PCDH15: variants seen among roughly 807,000 people sequenced by gnomAD.
The protein encoded by PCDH15 is protocadherin related 15.
PCDH15 carries 129 observed loss-of-function variants against 178.5 expected under a neutral mutation model. The ratio of observed to expected loss-of-function variants is 0.72; its 90% CI spans 0.63 to 0.84. PCDH15 has a LOEUF of 0.84. PCDH15 is among the 40% of genes least tolerant of loss of function. PCDH15 has a pLI of 0.00. For missense variants in PCDH15, 2,230 were observed against 2,099.9 expected, an observed-to-expected ratio of 1.06 and a Z score of -1.21; for synonymous variants, 800 against 732.0, an observed-to-expected ratio of 1.09 and a Z score of -1.50.
At chr10:53,879,281 G>A (rs186041409) in intron 26 of PCDH15, among the ~76,000 whole-genome samples, 413 of 152,120 alleles carry the variant, frequency 2.7e-3, no homozygotes, top group African/African-American at 9.7e-3. Flanking sequence ...CTGCCACTGA[G>A]GAAAGTATAG....
intron 2 of PCDH15, among the ~76,000 whole-genome samples, chr10:54,940,541 A>C (rs1052956521): frequency 6.6e-6 from 1 of 152,140 alleles, no homozygotes; most frequent in African/African-American, 2.4e-5. Flanking sequence ...TTAGATCTAG[A>C]TCTAGATCTG....
chr10:54,389,580 C>T (rs891103552), intron 3 of PCDH15, among the ~76,000 whole-genome samples: 17 of 152,190 alleles, frequency 1.1e-4, no homozygotes, highest in African/African-American at 1.7e-4. Context: ...TCCGTATTTG[C>T]GGCTCCATCC....
intron 2 of PCDH15, among the ~76,000 whole-genome samples, chr10:54,968,036 C>T (rs555792182): frequency 2.0e-5 from 3 of 152,228 alleles, no homozygotes; most frequent in South Asian, 4.1e-4. Context: ...TTTTAACATA[C>T]GCATTTTGGG....
intron 3 of PCDH15, among the ~76,000 whole-genome samples, chr10:54,427,781 A>T (rs1956474449): frequency 6.6e-6 from 1 of 152,128 alleles, no homozygotes; most frequent in Non-Finnish European, 1.5e-5. Context: ...ATTTATATCA[A>T]TTTTTTTGAC....
At chr10:55,095,576 G>A (rs1362605498) in intron 2 of PCDH15, among the ~76,000 whole-genome samples, 3 of 151,932 alleles carry the variant, frequency 2.0e-5, no homozygotes, top group African/African-American at 7.3e-5. Flanking sequence ...TTTAGATATT[G>A]TAGAGGTTTT....
chr10:53,885,777 C>T (rs1385403238), intron 26 of PCDH15, among the ~76,000 whole-genome samples: 2 of 152,012 alleles, frequency 1.3e-5, no homozygotes, highest in East Asian at 3.9e-4. Context: ...ATTGAGTATT[C>T]CTCAGTGGAA....
At chr10:55,254,717 G>C (rs1190819427) in intron 1 of PCDH15, among the ~76,000 whole-genome samples, 1 of 152,142 alleles carries the variant, frequency 6.6e-6, no homozygotes, top group Non-Finnish European at 1.5e-5. Context: ...AAAGCAACAG[G>C]TGCTATGACA....
intron 2 of PCDH15, among the ~76,000 whole-genome samples, chr10:55,367,733 C>T (rs1156540225): frequency 6.6e-6 from 1 of 152,064 alleles, no homozygotes; most frequent in African/African-American, 2.4e-5. Flanking sequence ...TAGGTGTTTG[C>T]CTTATTTGGG....
chr10:53,978,189 C>T (rs1015135407), intron 21 of PCDH15, among the ~76,000 whole-genome samples: 6 of 152,176 alleles, frequency 3.9e-5, no homozygotes, highest in Middle Eastern at 3.2e-3. Context: ...CTCTTCTGTA[C>T]TTCCCTAGCA....
chr10:53,984,485 G>A (rs2090960033), intron 21 of PCDH15, among the ~76,000 whole-genome samples: 1 of 152,006 alleles, frequency 6.6e-6, no homozygotes, highest in African/African-American at 2.4e-5. Flanking sequence ...ATCCTTTCAA[G>A]TTTGAAATAC....
chr10:54,610,416 T>C (rs1014117749), intron 2 of PCDH15, among the ~76,000 whole-genome samples: 2 of 151,930 alleles, frequency 1.3e-5, no homozygotes, highest in Non-Finnish European at 2.9e-5. Flanking sequence ...GTTTTAACCA[T>C]TTTATAACAT....
intron 3 of PCDH15, among the ~76,000 whole-genome samples, chr10:54,425,128 C>T (rs973792361): frequency 1.3e-5 from 2 of 151,968 alleles, no homozygotes; most frequent in African/African-American, 4.8e-5. Flanking sequence ...GTTCAACTTT[C>T]ATGGCTGCTA....
At chr10:54,635,467 A>C (rs185648949) in intron 2 of PCDH15, among the ~76,000 whole-genome samples, 1 of 151,752 alleles carries the variant, frequency 6.6e-6, no homozygotes, top group Non-Finnish European at 1.5e-5. Context: ...TACCTATTTT[A>C]TCTTGTATTC....
intron 3 of PCDH15, among the ~76,000 whole-genome samples, chr10:54,824,890 T>A (rs1194545555): frequency 1.3e-5 from 2 of 152,176 alleles, no homozygotes; most frequent in African/African-American, 4.8e-5. Context: ...ATTATTATTA[T>A]ACTTTAAGTT....
chr10:54,573,513 C>A (rs1334470518), intron 2 of PCDH15, among the ~76,000 whole-genome samples: 1 of 152,176 alleles, frequency 6.6e-6, no homozygotes, highest in Non-Finnish European at 1.5e-5. Flanking sequence ...TTCTTTGACT[C>A]ATTTCCCCTG....
At chr10:54,778,266 G>T (rs1341078055) in intron 1 of PCDH15, among the ~76,000 whole-genome samples, 3 of 152,122 alleles carry the variant, frequency 2.0e-5, no homozygotes, top group Admixed American at 6.6e-5. Context: ...TTGCTTTTGT[G>T]CTAGCCTAAA....
At chr10:54,270,655 A>G (rs981032594) in intron 8 of PCDH15, among the ~76,000 whole-genome samples, 2 of 152,158 alleles carry the variant, frequency 1.3e-5, no homozygotes, top group Non-Finnish European at 2.9e-5. Flanking sequence ...TCTAACTTAC[A>G]TGGTGCAAAA....
chr10:54,295,474 G>A (rs188556080), intron 8 of PCDH15, among the ~76,000 whole-genome samples: 2 of 152,240 alleles, frequency 1.3e-5, no homozygotes, highest in East Asian at 1.9e-4. Flanking sequence ...AATCTTGCTG[G>A]TGCTCACTCT....
intron 2 of PCDH15, among the ~76,000 whole-genome samples, chr10:55,002,856 G>A (rs901194542): frequency 2.0e-5 from 3 of 152,124 alleles, no homozygotes; most frequent in Admixed American, 1.3e-4. Context: ...CAGCATTTAG[G>A]TATTTGTGTC....
Sources: allele counts gnomAD v4.1 joint callset (sites outside exome capture counted in the v4.1 genomes callset), GRCh38; gene constraint gnomAD v4.1.1; transcripts MANE v1.5; gene names NCBI Gene and HGNC (gene_info 2026-07-23, HGNC 2026-07-21).